Variants in TMEM182 observed in about 807,000 individuals in gnomAD.
TMEM182 encodes the protein transmembrane protein 182.
TMEM182 carries 20 observed loss-of-function variants against 26.8 expected under a neutral mutation model. The observed-to-expected ratio is 0.75, with a 90% CI of 0.53 to 1.09. The LOEUF is 1.09. Among genes scored for constraint, TMEM182 ranks in the 50% least tolerant of loss-of-function variants. The pLI is 0.00. For synonymous variants in TMEM182, 109 were observed against 102.2 expected, an observed-to-expected ratio of 1.07 and a Z score of -0.40; for missense variants, 277 against 275.5, an observed-to-expected ratio of 1.01 and a Z score of -0.04.
chr2:102,798,850 ATAAT>A (rs1202232687), intron 4 of TMEM182, among the ~76,000 whole-genome samples: 1 of 152,130 alleles, frequency 6.6e-6, no homozygotes, highest in Non-Finnish European at 1.5e-5. Context: ...AAAAAAAAAA[ATAAT>A]TAATTAATTG....
At chr2:102,782,257 C>T (rs543889520) in intron 3 of TMEM182, among the ~76,000 whole-genome samples, 5 of 151,880 alleles carry the variant, frequency 3.3e-5, no homozygotes, top group South Asian at 4.2e-4. Context: ...ACCTGGGAGG[C>T]GGAGGTTACA....
At chr2:102,752,881 T>C (rs1338801995) in intron 1 of TMEM182, among the ~76,000 whole-genome samples, 1 of 152,254 alleles carries the variant, frequency 6.6e-6, no homozygotes, top group African/African-American at 2.4e-5. Flanking sequence ...AGCACTTTTA[T>C]AACTGAAGGA....
At chr2:102,798,307 T>C (rs770426056) in intron 4 of TMEM182, among the ~76,000 whole-genome samples, 1 of 152,124 alleles carries the variant, frequency 6.6e-6, no homozygotes, top group Non-Finnish European at 1.5e-5. Context: ...AGGAGAAAAC[T>C]CTGTCACTGA....
upstream of TMEM182, among the ~76,000 whole-genome samples, chr2:102,760,600 A>G (rs2104652617): frequency 6.6e-6 from 1 of 152,000 alleles, no homozygotes; most frequent in Middle Eastern, 3.4e-3. Context: ...AATTCTATTC[A>G]TGTTTTTTTT....
downstream of TMEM182, among the ~76,000 whole-genome samples, chr2:102,818,042 A>G (rs1274122441): frequency 6.6e-6 from 1 of 152,224 alleles, no homozygotes; most frequent in Non-Finnish European, 1.5e-5. Flanking sequence ...ATTGGATACC[A>G]GTAAAATTGG....
At chr2:102,795,515 T>G (rs1402888832) in intron 3 of TMEM182, among the ~76,000 whole-genome samples, 3 of 152,226 alleles carry the variant, frequency 2.0e-5, no homozygotes, top group African/African-American at 7.2e-5. Flanking sequence ...GTTTCAATTT[T>G]AATTCATTTT....
chr2:102,824,679 G>T (rs113134931), intron 3 of TMEM182, among the ~76,000 whole-genome samples: 17 of 152,156 alleles, frequency 1.1e-4, no homozygotes, highest in African/African-American at 4.1e-4. Flanking sequence ...AAAAAAATTA[G>T]CCAGGCATGG....
upstream of TMEM182, among the ~76,000 whole-genome samples, chr2:102,759,907 C>G (rs903762103): frequency 6.6e-6 from 1 of 152,126 alleles, no homozygotes; most frequent in African/African-American, 2.4e-5. Context: ...CTGGCCACTC[C>G]GCTAGGACAG....
intron 3 of TMEM182, among the ~76,000 whole-genome samples, chr2:102,829,575 T>C (rs1217940769): frequency 2.0e-5 from 3 of 152,090 alleles, no homozygotes; most frequent in African/African-American, 7.2e-5. Context: ...GTAGAGATAG[T>C]GATGTGCTAG....
chr2:102,750,824 T>A (rs1459578301), intron 1 of TMEM182, among the ~76,000 whole-genome samples: 1 of 152,180 alleles, frequency 6.6e-6, no homozygotes, highest in African/African-American at 2.4e-5. Flanking sequence ...CACAGTGATG[T>A]ATGAGTCCGC....
downstream of TMEM182, among the ~76,000 whole-genome samples, chr2:102,818,752 A>ATCTATCTATCTATCTG (rs1343880601): frequency 2.8e-5 from 4 of 140,482 alleles, no homozygotes; most frequent in African/African-American, 5.1e-5. Flanking sequence ...AATCCTATCT[A>ATCTATCTATCTATCTG]TCTATCTATC....
upstream of TMEM182, among the ~76,000 whole-genome samples, chr2:102,760,778 C>G (rs917775015): frequency 6.6e-6 from 1 of 152,008 alleles, no homozygotes; most frequent in Admixed American, 6.6e-5. Context: ...CCATGCCCAG[C>G]TAATTTTTTG....
At chr2:102,834,719 G>C (rs942498349) in intron 3 of TMEM182, among the ~76,000 whole-genome samples, 1 of 152,124 alleles carries the variant, frequency 6.6e-6, no homozygotes, top group African/African-American at 2.4e-5. Flanking sequence ...AGGAAAACAG[G>C]CTCAGGGCTC....
At chr2:102,804,964 AT>A (rs1232323618) in intron 4 of TMEM182, among the ~76,000 whole-genome samples, 2 of 152,220 alleles carry the variant, frequency 1.3e-5, no homozygotes, top group Non-Finnish European at 2.9e-5. Flanking sequence ...TGTCTAAAAA[AT>A]CACTGTCATC....
intron 1 of TMEM182, among the ~76,000 whole-genome samples, chr2:102,755,589 T>C (rs1408694812): frequency 6.6e-6 from 1 of 152,214 alleles, no homozygotes; most frequent in Non-Finnish European, 1.5e-5. Flanking sequence ...ATGCTTGATA[T>C]TATGAATATT....
downstream of TMEM182, among the ~76,000 whole-genome samples, chr2:102,818,705 T>C (rs1682833519): frequency 6.6e-6 from 1 of 152,156 alleles, no homozygotes; most frequent in Admixed American, 6.5e-5. Flanking sequence ...TGCTTCTAGA[T>C]GTAAGGAGTC....
chr2:102,774,556 C>G (rs1573517676), intron 3 of TMEM182, among the ~76,000 whole-genome samples: 1 of 152,032 alleles, frequency 6.6e-6, no homozygotes, highest in South Asian at 2.1e-4. Flanking sequence ...TTCCTTAGGT[C>G]TTACAGATTT....
chr2:102,841,714 A>G (rs116814576), intron 3 of TMEM182, among the ~76,000 whole-genome samples: 1,656 of 152,328 alleles, frequency 0.011, 31 homozygotes, highest in African/African-American at 0.038. Flanking sequence ...CTCCATTTCA[A>G]GGTGGCAATA....
Position 102,744,152 on chromosome 2 carries a change from A to G in TMEM182, c.-83+7139A>G, listed in dbSNP as rs923691715. Among the ~76,000 whole-genome samples, 7 of 152,292 alleles carry G rather than the reference A, an allele frequency of 4.6e-5. 1 individual carries two copies. The highest frequency in any genetic ancestry group is 2.0e-4 in the Admixed American group (3 of 15,306). ...GACCTTCACAAAGGTCAAAGACCAC[A>G]TTCTGGGCCATAAAATACGTTTTAA... On this transcript the variant is annotated intron_variant, in intron 1 of 5. Transcript: ENST00000409173.
Sources: gnomAD v4.1 joint callset for allele counts (sites outside exome capture counted in the v4.1 genomes callset) on GRCh38, gnomAD v4.1.1 for gene constraint, MANE v1.5 for transcripts, NCBI Gene and HGNC (gene_info 2026-07-23, HGNC 2026-07-21) for gene names.